ZNG1B: variants seen among roughly 807,000 people sequenced by gnomAD.
ZNG1B encodes Zn regulated GTPase metalloprotein activator 1B.
the ZNG1B span, among the ~76,000 whole-genome samples, chr2:113,490,726 C>T: frequency 3.3e-5 from 5 of 151,562 alleles, no homozygotes; most frequent in African/African-American, 1.2e-4. Flanking sequence ...ACTAGAAAAC[C>T]TAAAATAGAT....
chr2:113,477,582 TCTC>T, the ZNG1B span, among the ~76,000 whole-genome samples: 2 of 152,206 alleles, frequency 1.3e-5, no homozygotes, highest in Non-Finnish European at 2.9e-5. Context: ...TTTTCTGCCT[TCTC>T]CTGTGGGGAA....
At chr2:113,489,685 C>T in the ZNG1B span, among the ~76,000 whole-genome samples, 3 of 151,968 alleles carry the variant, frequency 2.0e-5, no homozygotes, top group Non-Finnish European at 4.4e-5. Context: ...TTCATGCAAA[C>T]GGACACCAAG....
the ZNG1B span, among the ~76,000 whole-genome samples, chr2:113,474,663 C>T: frequency 9.6e-4 from 139 of 144,206 alleles, 7 homozygotes; most frequent in East Asian, 0.018. Context: ...GCTTTGAATG[C>T]GTCCCAGAGA....
At chr2:113,456,418 A>C in the ZNG1B span, among the ~76,000 whole-genome samples, 60 of 149,768 alleles carry the variant, frequency 4.0e-4, 1 homozygote, top group Non-Finnish European at 8.0e-4. Flanking sequence ...ACAAAATTTG[A>C]TATACCTATG....
the ZNG1B span, among the ~76,000 whole-genome samples, chr2:113,439,873 A>ACTT: frequency 1.1e-5 from 1 of 93,168 alleles, no homozygotes; most frequent in Non-Finnish European, 2.3e-5. Flanking sequence ...CCCTTCCCTT[A>ACTT]ATTTTTTTTT....
At chr2:113,495,166 G>C in the ZNG1B span, 1 of 1,497,766 alleles carries the variant, frequency 6.7e-7, no homozygotes, top group Admixed American at 2.1e-5. Flanking sequence ...ATTGTCCAGG[G>C]TGTCCATGAG....
At chr2:113,463,688 C>G in the ZNG1B span, among the ~76,000 whole-genome samples, 1 of 151,882 alleles carries the variant, frequency 6.6e-6, no homozygotes, top group East Asian at 1.9e-4. Context: ...CTTATTTACC[C>G]TTTTAAAGCC....
the ZNG1B span, among the ~76,000 whole-genome samples, chr2:113,487,555 G>A: frequency 1.3e-5 from 2 of 151,038 alleles, no homozygotes; most frequent in African/African-American, 4.9e-5. Context: ...TCTAACCCCT[G>A]GTAACCACCA....
At chr2:113,458,341 G>A in the ZNG1B span, among the ~76,000 whole-genome samples, 1 of 152,134 alleles carries the variant, frequency 6.6e-6, no homozygotes, top group South Asian at 2.1e-4. Context: ...GAAAATAAAT[G>A]TTAAGATGCA....
chr2:113,484,285 T>TG, the ZNG1B span, among the ~76,000 whole-genome samples: 1 of 147,548 alleles, frequency 6.8e-6, no homozygotes, highest in Non-Finnish European at 1.5e-5. Flanking sequence ...GCAAGGCCTG[T>TG]TTGCTCAGAT....
chr2:113,485,452 TACAGTG>T, the ZNG1B span, among the ~76,000 whole-genome samples: 1 of 143,900 alleles, frequency 6.9e-6, no homozygotes, highest in Non-Finnish European at 1.5e-5. Context: ...ACATGTTGGT[TACAGTG>T]AGACTAGAAA....
chr2:113,477,327 C>T, the ZNG1B span, among the ~76,000 whole-genome samples: 13,789 of 152,228 alleles, frequency 0.091, 842 homozygotes, highest in Non-Finnish European at 0.13. Context: ...AAGGGAACTC[C>T]CTGACCCCCT....
the ZNG1B span, among the ~76,000 whole-genome samples, chr2:113,478,059 C>T: frequency 6.6e-6 from 1 of 151,942 alleles, no homozygotes; most frequent in African/African-American, 2.4e-5. Context: ...ATCCCTTTTT[C>T]TGTTAGTGGA....
the ZNG1B span, among the ~76,000 whole-genome samples, chr2:113,483,898 C>T: frequency 5.9e-5 from 9 of 152,372 alleles, no homozygotes; most frequent in Non-Finnish European, 1.2e-4. Context: ...TTTTTGTAGC[C>T]TCTGTAGGAG....
At chr2:113,439,376 T>G in the ZNG1B span, among the ~76,000 whole-genome samples, 1 of 151,936 alleles carries the variant, frequency 6.6e-6, no homozygotes, top group African/African-American at 2.4e-5. Context: ...TATTTTGATG[T>G]CCTACAACTT....
At chr2:113,460,025 A>T in the ZNG1B span, among the ~76,000 whole-genome samples, 3 of 140,560 alleles carry the variant, frequency 2.1e-5, no homozygotes, top group South Asian at 7.3e-4. Flanking sequence ...TAAAATAAAC[A>T]GTTGCACTGA....
At chr2:113,476,026 A>C in the ZNG1B span, among the ~76,000 whole-genome samples, 3 of 151,912 alleles carry the variant, frequency 2.0e-5, no homozygotes, top group South Asian at 4.2e-4. Context: ...CCTGAATCTG[A>C]ACGTTGGCCT....
At chr2:113,449,437 T>C in the ZNG1B span, among the ~76,000 whole-genome samples, 1 of 144,242 alleles carries the variant, frequency 6.9e-6, no homozygotes, top group Non-Finnish European at 1.5e-5. Flanking sequence ...ACTGTTCCTT[T>C]CACTTGAACA....
the ZNG1B span, among the ~76,000 whole-genome samples, chr2:113,492,080 A>G: frequency 7.2e-6 from 1 of 138,342 alleles, no homozygotes; most frequent in African/African-American, 2.6e-5. Context: ...AACAGTGTGG[A>G]GATTCCTTAA....
Sources: allele counts gnomAD v4.1 joint callset (sites outside exome capture counted in the v4.1 genomes callset), GRCh38; gene constraint gnomAD v4.1.1; transcripts MANE v1.5; gene names NCBI Gene and HGNC (gene_info 2026-07-23, HGNC 2026-07-21).